The following ABCA12 variants were observed in gnomAD, a reference collection of about 807,000 sequenced individuals.
ABCA12 encodes the protein ATP binding cassette subfamily A member 12, also known as glucosylceramide transporter ABCA12.
In ABCA12, 156 loss-of-function variants were observed where a neutral mutation model predicts 293.5. The observed-to-expected ratio is 0.53, with a 90% CI of 0.47 to 0.61. The LOEUF is 0.61. ABCA12 is among the 20% of genes least tolerant of loss of function. The pLI, the probability that ABCA12 is intolerant of heterozygous loss-of-function variation, is 0.00. For synonymous variants in ABCA12, 1,063 were observed against 1,108.0 expected (o/e 0.96, Z 0.81); for missense variants, 2,797 against 3,090.2 (o/e 0.91, Z 2.25).
chr2:215,101,068 C>T (rs1323526987), intron 2 of ABCA12, among the ~76,000 whole-genome samples: 1 of 152,084 alleles, frequency 6.6e-6, no homozygotes, highest in Admixed American at 6.6e-5. Flanking sequence ...CAATATAAGA[C>T]ATGAAGAATG....
chr2:215,045,073 A>C (rs1701173945), intron 7 of ABCA12, among the ~76,000 whole-genome samples: 1 of 152,114 alleles, frequency 6.6e-6, no homozygotes, highest in African/African-American at 2.4e-5. Flanking sequence ...CAATGTGATC[A>C]TGTGTACAAA....
Position 214,966,905 on chromosome 2 carries a change from T to C in ABCA12, c.5827A>G (p.Ser1943Gly), listed in dbSNP as rs1204831994. 1 of 1,613,792 alleles carries C rather than the reference T, an allele frequency of 6.2e-7. No individual in the cohort carries two copies. The highest frequency in any genetic ancestry group is 1.7e-5 in the Admixed American group (1 of 59,968). Residue 1943 changes from serine (S) to glycine (G), a missense_variant, in exon 39 of 53, where the codon AGC becomes GGC. Physicochemically the swap from Ser to Gly is moderately conservative, Grantham distance 56. This residue lies in a region of ABCA12 where 2,130 missense variants were observed against 2,427.0 expected (regional missense o/e 0.88). Transcript: ENST00000272895. ...GYHSLPAYLN[S>G]LNNFLLRVNM... Reference sequence around the variant, plus strand: ...ACTCGCAGAAGGAAATTATTCAGGCTGTTGAGGTAAGCTGGAAGGGAGTGA... The same window carrying C: ...ACTCGCAGAAGGAAATTATTCAGGCCGTTGAGGTAAGCTGGAAGGGAGTGA...
chr2:215,056,383 C>A (rs1701421219), intron 3 of ABCA12, among the ~76,000 whole-genome samples: 1 of 152,124 alleles, frequency 6.6e-6, no homozygotes, highest in Admixed American at 6.6e-5. Flanking sequence ...GGCTCTGCAG[C>A]TCTGAGCTTG....
chr2:214,996,082 G>A (rs552390330), intron 23 of ABCA12, among the ~76,000 whole-genome samples: 2 of 152,246 alleles, frequency 1.3e-5, no homozygotes, highest in South Asian at 2.1e-4. Context: ...CAAGACAAAG[G>A]TGGTTAAATT....
At chr2:215,085,916 T>G (rs1702029457) in intron 2 of ABCA12, among the ~76,000 whole-genome samples, 1 of 152,210 alleles carries the variant, frequency 6.6e-6, no homozygotes, top group South Asian at 2.1e-4. Context: ...GAAAAAATCA[T>G]TATGTAGTTT....
chr2:215,121,423 TC>T (rs1702803157), intron 1 of ABCA12, among the ~76,000 whole-genome samples: 1 of 152,226 alleles, frequency 6.6e-6, no homozygotes, highest in Non-Finnish European at 1.5e-5. Flanking sequence ...CTCTCTTTTT[TC>T]CTTTTTTATT....
At chr2:214,999,723 TCCCGTCCACAACAG>T in intron 22 of ABCA12, 5 of 780,610 alleles carry the variant, frequency 6.4e-6, no homozygotes, top group Non-Finnish European at 7.8e-6. Flanking sequence ...GGCAGCACAG[TCCCGTCCACAACAG>T]CCTCCACAAT....
At chr2:215,057,252 C>T (rs775896840) in intron 3 of ABCA12, among the ~76,000 whole-genome samples, 3 of 152,046 alleles carry the variant, frequency 2.0e-5, no homozygotes, top group East Asian at 3.9e-4. Flanking sequence ...ATAACACCTA[C>T]TTTGCAAGGT....
At chr2:215,049,597 C>T in intron 6 of ABCA12, 29 bp downstream of exon 6, 1 of 1,556,322 alleles carries the variant, frequency 6.4e-7, no homozygotes, top group Non-Finnish European at 8.7e-7. Context: ...CATGTTGAGT[C>T]ACTTTGTGGA....
chr2:215,008,416 A>C (rs957275637), intron 18 of ABCA12, among the ~76,000 whole-genome samples: 1 of 151,546 alleles, frequency 6.6e-6, no homozygotes, highest in African/African-American at 2.4e-5. Flanking sequence ...CACACACACA[A>C]AACATTGGAA....
chr2:215,059,928 T>A (rs568803319), intron 3 of ABCA12, among the ~76,000 whole-genome samples: 23 of 152,124 alleles, frequency 1.5e-4, no homozygotes, highest in African/African-American at 5.5e-4. Flanking sequence ...CCATGACCTA[T>A]CTCAAATATA....
At position 214,954,214 on chromosome 2, in the gene ABCA12, T is replaced by A. The variant is rs193011288; in HGVS notation, c.6394-107A>T. 3,305 of 1,217,370 alleles carry A rather than the reference T, an allele frequency of 2.7e-3. 12 individuals are homozygous for A. The highest frequency in any genetic ancestry group is 4.2e-3 in the South Asian group (314 of 74,086). 75.4% of individuals were successfully genotyped at this position (1,217,370 alleles called of 1,614,324 possible). On this transcript the variant is annotated intron_variant, in intron 43 of 52. Transcript: ENST00000272895. Reference sequence around the variant, plus strand: ...CAAATAGTGAAACCTAAAAAGCTTATCTAGATTGGCAATTATTTCCCATAT... The same window carrying A: ...CAAATAGTGAAACCTAAAAAGCTTAACTAGATTGGCAATTATTTCCCATAT...
In ABCA12 at chr2:214,997,368, T is replaced by C. The variant is rs905103338; in HGVS notation, c.3294+327A>G. Among the ~76,000 whole-genome samples, 3 of 152,206 alleles carry C rather than the reference T, an allele frequency of 2.0e-5. No homozygotes were observed. In the South Asian group the frequency reaches 6.2e-4, roughly 32 times the overall value. On this transcript the variant is annotated intron_variant, in intron 23 of 52. Transcript: ENST00000272895. ...AATCTCTCTGCCTGAACAGTTGTTA[T>C]TGTTGTTATTTAAACTTCCTCTGTT...
intron 7 of ABCA12, among the ~76,000 whole-genome samples, chr2:215,045,253 T>C (rs546714318): frequency 1.3e-5 from 2 of 152,304 alleles, no homozygotes; most frequent in Admixed American, 1.3e-4. Context: ...CTTTTACGAA[T>C]AAAGTAACCT....
intron 6 of ABCA12, among the ~76,000 whole-genome samples, chr2:215,049,261 G>A (rs1701268820): frequency 6.6e-6 from 1 of 152,118 alleles, no homozygotes; most frequent in Non-Finnish European, 1.5e-5. Flanking sequence ...CTAAATTCTG[G>A]CAGTTATATG....
chr2:214,992,462 G>GAAAA (rs35911401), intron 23 of ABCA12, among the ~76,000 whole-genome samples: 1 of 77,350 alleles, frequency 1.3e-5, no homozygotes, highest in Non-Finnish European at 2.1e-5. Flanking sequence ...AAAAAAAAAT[G>GAAAA]AAAAAAAAAA....
In ABCA12 at chr2:215,134,614, TATAGAGAGAGAGAGAG is replaced by T. The variant is rs1703165945; in HGVS notation, c.69+3510_69+3525del. 5.0e-4 allele frequency among the ~76,000 whole-genome samples: 43 copies of T among 86,288 alleles called. 1 individual carries two copies. Among genetic ancestry groups the T allele is most frequent in the African/African-American group, 3.7e-3 (41 of 10,946 alleles). 56.6% of individuals were successfully genotyped at this position (86,288 alleles called of 152,430 possible). A position where few individuals can be genotyped will look rare whatever the true frequency, so the allele number is the denominator to read the frequency against. On this transcript the variant is annotated intron_variant, in intron 1 of 52. Transcript: ENST00000272895. Reference sequence around the variant, plus strand: ...CTCTCTCTCTCTATATATATATATATATAGAGAGAGAGAGAGAGAGAGAGAGACAAACAGAGAGAGA... The same window carrying T: ...CTCTCTCTCTCTATATATATATATATAGAGAGAGAGACAAACAGAGAGAGA...
At chr2:215,012,548 T>C (rs1700401163) in intron 15 of ABCA12, among the ~76,000 whole-genome samples, 1 of 152,170 alleles carries the variant, frequency 6.6e-6, no homozygotes, top group African/African-American at 2.4e-5. Context: ...GACCACATAT[T>C]TCATGATTCA....
At chr2:214,981,969 A>ATTTTTTTTTT (rs1559128714) in intron 30 of ABCA12, among the ~76,000 whole-genome samples, 10 of 117,588 alleles carry the variant, frequency 8.5e-5, no homozygotes, top group African/African-American at 3.7e-4. Context: ...TATTATTATT[A>ATTTTTTTTTT]TTATTATTAT....
Sources: gnomAD v4.1 joint callset for allele counts (sites outside exome capture counted in the v4.1 genomes callset) on GRCh38, gnomAD v4.1.1 for gene constraint, gnomAD v4.1.1 regional missense constraint, MANE v1.5 for transcripts, NCBI Gene and HGNC (gene_info 2026-07-23, HGNC 2026-07-21) for gene names.